Variants in SGK3 observed in about 807,000 individuals in gnomAD.
SGK3 encodes the protein serum/glucocorticoid regulated kinase family member 3.
Under a neutral mutation model 68.5 loss-of-function variants are expected in SGK3, and 47 were observed. That is an observed-to-expected ratio of 0.69 (90% CI 0.54 to 0.87). The LOEUF is 0.87. Among genes scored for constraint, SGK3 ranks in the 40% least tolerant of loss-of-function variants. SGK3 has a pLI of 0.00. For missense variants in SGK3, 479 were observed against 575.5 expected, an observed-to-expected ratio of 0.83 and a Z score of 1.72; for synonymous variants, 181 against 189.1, an observed-to-expected ratio of 0.96 and a Z score of 0.35.
chr8:66,770,024 G>A lies in SGK3; in HGVS notation c.-121-23592G>A, dbSNP rs192404191. Among the ~76,000 whole-genome samples the A allele has an allele frequency of 3.0e-3, 450 of 152,262 alleles. 3 individuals carry two copies. Among genetic ancestry groups the A allele is most frequent in the African/African-American group, 0.01 (435 of 41,550 alleles). ...GCTGGAGTGCAGTGGCGCAATCTCCGCTCACTGCAAGCTCCACCTCCCGGG... is the reference window on the plus strand; with the variant it reads ...GCTGGAGTGCAGTGGCGCAATCTCCACTCACTGCAAGCTCCACCTCCCGGG... On this transcript the variant is annotated intron_variant, in intron 1 of 16. Transcript: ENST00000521198.
rs1585829806 is a variant in SGK3, at chr8:66,861,395, C to G, written c.*1814C>G. The G allele has an allele frequency of 6.6e-6, 1 of 152,100 alleles. No homozygotes were observed. The highest frequency in any genetic ancestry group is 1.9e-4 in the East Asian group (1 of 5,170). 9.4% of individuals were successfully genotyped at this position (152,100 alleles called of 1,614,324 possible). The stretch of plus-strand genomic sequence containing the variant: ...GGCCAAGGCAGGAGGATCACTTGAG[C>G]CTATGAGTTCAAGACCAGCCTAGGC... On this transcript the variant is annotated 3_prime_UTR_variant, in exon 17 of 17. Transcript: ENST00000521198.
intron 1 of SGK3, among the ~76,000 whole-genome samples, chr8:66,734,152 C>T (rs1238744347): frequency 6.6e-6 from 1 of 150,812 alleles, no homozygotes; most frequent in East Asian, 2.0e-4. Context: ...TGTTGTATTA[C>T]TTTCTGGATC....
intron 8 of SGK3, among the ~76,000 whole-genome samples, chr8:66,831,702 G>T (rs1161397878): frequency 6.6e-6 from 1 of 152,118 alleles, no homozygotes; most frequent in African/African-American, 2.4e-5. Context: ...TTATGTGTGT[G>T]AGCCACAGGA....
Position 66,798,539 on chromosome 8 carries a change from C to A in SGK3, c.97-3C>A. On this transcript the variant is annotated splice_region_variant and splice_polypyrimidine_tract_variant and intron_variant, in intron 2 of 16. Transcript: ENST00000521198. ...TATATTATGTAATTTTTTATTTCCA[C>A]AGGTTTATAAAGTTCTGGTTTCAGT... The A allele has an allele frequency of 6.2e-7, 1 of 1,600,038 alleles. No individual in the cohort carries two copies. The highest frequency in any genetic ancestry group is 8.5e-7 in the Non-Finnish European group (1 of 1,173,330).
chr8:66,830,560 T>C (rs1809262572), intron 7 of SGK3, among the ~76,000 whole-genome samples: 1 of 152,216 alleles, frequency 6.6e-6, no homozygotes, highest in African/African-American at 2.4e-5. Flanking sequence ...CTGCTTAAGC[T>C]CCCCTTTCTG....
chr8:66,756,624 T>C (rs951006909), intron 1 of SGK3, among the ~76,000 whole-genome samples: 5 of 139,776 alleles, frequency 3.6e-5, no homozygotes, highest in African/African-American at 1.1e-4. Flanking sequence ...TTGTCACTCA[T>C]GCTGGAGTGC....
chr8:66,817,046 G>T (rs1269448785), intron 5 of SGK3, among the ~76,000 whole-genome samples: 5 of 151,336 alleles, frequency 3.3e-5, no homozygotes, highest in African/African-American at 1.2e-4. Context: ...GCCAGGCTGG[G>T]TTGGAACTCC....
At chr8:66,829,496 C>T (rs1809211406) in intron 7 of SGK3, among the ~76,000 whole-genome samples, 1 of 152,146 alleles carries the variant, frequency 6.6e-6, no homozygotes, top group Non-Finnish European at 1.5e-5. Flanking sequence ...AGAGAAAAAC[C>T]AGGAATATGG....
At chr8:66,763,959 A>G (rs917642166) in intron 1 of SGK3, among the ~76,000 whole-genome samples, 30 of 152,290 alleles carry the variant, frequency 2.0e-4, no homozygotes, top group Admixed American at 5.9e-4. Context: ...GGCCTCAACC[A>G]TCAGGGCTCA....
intron 1 of SGK3, among the ~76,000 whole-genome samples, chr8:66,749,056 C>A (rs1805732587): frequency 6.6e-6 from 1 of 151,718 alleles, no homozygotes; most frequent in Non-Finnish European, 1.5e-5. Context: ...ATCACCACGC[C>A]CGGCTAAATC....
At chr8:66,792,734 A>G (rs939008746) in intron 1 of SGK3, among the ~76,000 whole-genome samples, 1 of 152,298 alleles carries the variant, frequency 6.6e-6, no homozygotes, top group East Asian at 1.9e-4. Context: ...ACAAAAAAAA[A>G]GTATTGTTTG....
At position 66,850,736 on chromosome 8, in the gene SGK3, G is replaced by T. The variant is rs1248935205; in HGVS notation, c.1231-95G>T. Reference sequence around the variant, plus strand: ...ATGTTCCTAAAAAGAGTTATTGAGGGGCAAAATAGTAATAGTTTGGCTTCA... The same window carrying T: ...ATGTTCCTAAAAAGAGTTATTGAGGTGCAAAATAGTAATAGTTTGGCTTCA... On this transcript the variant is annotated intron_variant, in intron 15 of 16. Coordinates refer to ENST00000521198, the MANE Select transcript of SGK3 (RefSeq NM_001033578.3). 6 of 1,207,392 alleles carry T rather than the reference G, an allele frequency of 5.0e-6. No homozygotes were observed. The East Asian group carries it at 1.5e-4, about 31-fold the overall frequency. The allele number at this position is 1,207,392 out of a possible 1,614,324, so 74.8% of individuals were successfully genotyped here. A position where few individuals can be genotyped will look rare whatever the true frequency, so the allele number is the denominator to read the frequency against.
At chr8:66,814,005 T>G (rs1475347645) in intron 5 of SGK3, 77 bp downstream of exon 5, 2 of 1,283,322 alleles carry the variant, frequency 1.6e-6, no homozygotes, top group Non-Finnish European at 2.1e-6. Flanking sequence ...ATATAAATTT[T>G]GTTTGTTCTA....
chr8:66,843,827 C>T (rs977317945), intron 14 of SGK3, among the ~76,000 whole-genome samples: 4 of 151,984 alleles, frequency 2.6e-5, no homozygotes, highest in African/African-American at 9.7e-5. Flanking sequence ...AATCCCATCT[C>T]TACTAAAAAT....
chr8:66,780,311 C>T (rs1359165865), intron 1 of SGK3, among the ~76,000 whole-genome samples: 2 of 152,074 alleles, frequency 1.3e-5, no homozygotes, highest in African/African-American at 4.8e-5. Flanking sequence ...TTGAATAAGT[C>T]AATGAAAGGT....
intron 6 of SGK3, 143 bp from the exon 7 acceptor site, chr8:66,828,511 T>G (rs1809158977): frequency 9.7e-7 from 1 of 1,036,020 alleles, no homozygotes; most frequent in African/African-American, 1.6e-5. Context: ...TCTATACCCT[T>G]ACTGAGAATC....
chr8:66,803,389 G>A (rs1808024462), intron 3 of SGK3, among the ~76,000 whole-genome samples: 1 of 134,966 alleles, frequency 7.4e-6, no homozygotes, highest in African/African-American at 3.4e-5. Flanking sequence ...GAGTGCAGTG[G>A]CGTAATCACG....
At chr8:66,724,103 A>G (rs1040481015) in intron 1 of SGK3, among the ~76,000 whole-genome samples, 1 of 152,002 alleles carries the variant, frequency 6.6e-6, no homozygotes, top group Non-Finnish European at 1.5e-5. Context: ...TAATTTTTTT[A>G]TTAGGACTAC....
chr8:66,746,306 C>G (rs983718026), intron 1 of SGK3, among the ~76,000 whole-genome samples: 11 of 152,184 alleles, frequency 7.2e-5, no homozygotes, highest in Non-Finnish European at 1.3e-4. Context: ...CATTTTCCCT[C>G]TTGTTTTGAG....
Sources: allele counts gnomAD v4.1 joint callset (sites outside exome capture counted in the v4.1 genomes callset), GRCh38; gene constraint gnomAD v4.1.1; transcripts MANE v1.5; gene names NCBI Gene and HGNC (gene_info 2026-07-23, HGNC 2026-07-21).